The following CSMD1 variants were observed in gnomAD, a reference collection of about 807,000 sequenced individuals.
CSMD1 encodes CUB and Sushi multiple domains 1.
CSMD1 carries 213 observed loss-of-function variants against 417.5 expected under a neutral mutation model. The ratio of observed to expected loss-of-function variants is 0.51; its 90% confidence interval spans 0.46 to 0.57. The LOEUF (loss-of-function observed/expected upper bound fraction) is 0.57, where lower values mean the gene tolerates loss of function less well. CSMD1 is among the 20% of genes least tolerant of loss of function. The pLI, the probability that CSMD1 is intolerant of heterozygous loss-of-function variation, is 0.00. For missense variants in CSMD1, 6,923 were observed against 4,529.7 expected (o/e 1.53, Z -15.17); for synonymous variants, 2,862 against 1,736.8 (o/e 1.65, Z -16.11).
rs149459113 is a variant in CSMD1, at chr8:4,334,115, C to T, written c.415+85838G>A. 1.9e-3 allele frequency among the ~76,000 whole-genome samples: 286 copies of T among 152,058 alleles called. 2 individuals are homozygous for T. The highest frequency in any genetic ancestry group is 6.6e-3 in the African/African-American group (275 of 41,482). On this transcript the variant is annotated intron_variant, in intron 3 of 69. Transcript: ENST00000635120. The stretch of plus-strand genomic sequence containing the variant: ...ACAGACAGGGTTTTACTGTGTTAAC[C>T]AAGCTGGTCTCAAACTCCCGAACTC...
chr8:3,753,407 T>A (rs1797465579), intron 6 of CSMD1, among the ~76,000 whole-genome samples: 1 of 152,214 alleles, frequency 6.6e-6, no homozygotes, highest in Non-Finnish European at 1.5e-5. Context: ...TACCAAGCTC[T>A]GTCCTAATGA....
intron 3 of CSMD1, among the ~76,000 whole-genome samples, chr8:4,173,376 G>C (rs542659266): frequency 6.6e-5 from 10 of 152,212 alleles, no homozygotes; most frequent in African/African-American, 9.6e-5. Flanking sequence ...CAGAAGATGA[G>C]ACAGAGGCAT....
At chr8:3,281,692 G>C (rs575085845) in intron 26 of CSMD1, among the ~76,000 whole-genome samples, 1 of 152,150 alleles carries the variant, frequency 6.6e-6, no homozygotes, top group Non-Finnish European at 1.5e-5. Context: ...GGGATGAACA[G>C]GCAGAACACA....
intron 10 of CSMD1, among the ~76,000 whole-genome samples, chr8:3,550,623 C>T (rs1173246628): frequency 3.9e-5 from 6 of 152,202 alleles, no homozygotes; most frequent in Non-Finnish European, 8.8e-5. Flanking sequence ...GTCTCCACCC[C>T]TTTGCCTAGT....
rs73498624 is a variant in CSMD1 at position 4,543,779 on chromosome 8, A to T, written c.302+93563T>A. On this transcript the variant is annotated intron_variant, in intron 2 of 69. Transcript: ENST00000635120. ...AATGACTGAGAGTTCCAGTGGATTC[A>T]TATTCTCACCAGCATTTGATGTCAA... 7.2e-3 allele frequency among the ~76,000 whole-genome samples: 1,090 copies of T among 151,008 alleles called. 16 individuals are homozygous for T. The highest frequency in any genetic ancestry group is 0.025 in the African/African-American group (1,044 of 41,110).
At position 4,707,584 on chromosome 8, in the gene CSMD1, G is replaced by C. The variant is rs1253429274; in HGVS notation, c.86-70026C>G. 2.6e-5 allele frequency among the ~76,000 whole-genome samples: 4 copies of C among 151,928 alleles called. No homozygotes were observed. The South Asian group carries it at 8.3e-4, about 32-fold the overall frequency. On this transcript the variant is annotated intron_variant, in intron 1 of 69. Coordinates refer to ENST00000635120, the MANE Select transcript of CSMD1 (RefSeq NM_033225.6). ...AAATTCCCAGGTTTTTACTGCAAAC[G>C]AGCAACAAGAGAGGGGAAAGAGCCA... is the stretch of plus-strand genomic sequence containing the variant.
intron 1 of CSMD1, among the ~76,000 whole-genome samples, chr8:4,925,273 G>T (rs1324889434): frequency 2.1e-5 from 3 of 142,686 alleles, no homozygotes; most frequent in African/African-American, 5.2e-5. Context: ...CTGGGAAGGG[G>T]CTCAAGAGTT....
chr8:4,606,299 T>G (rs1585320792), intron 2 of CSMD1, among the ~76,000 whole-genome samples: 2 of 152,152 alleles, frequency 1.3e-5, no homozygotes, highest in African/African-American at 4.8e-5. Flanking sequence ...ACTTAGAGTC[T>G]GTTTATAAAT....
chr8:3,147,476 G>A (rs1818913286), intron 40 of CSMD1, among the ~76,000 whole-genome samples: 1 of 152,162 alleles, frequency 6.6e-6, no homozygotes, highest in South Asian at 2.1e-4. Flanking sequence ...CAGCATCCAA[G>A]GAACTGGAGC....
At chr8:4,084,848 G>C (rs953333080) in intron 3 of CSMD1, among the ~76,000 whole-genome samples, 2 of 147,446 alleles carry the variant, frequency 1.4e-5, no homozygotes, top group Non-Finnish European at 3.0e-5. Flanking sequence ...TCTTGAAGAA[G>C]AATGACAAAA....
chr8:4,569,123 G>A (rs1314566705), intron 2 of CSMD1, among the ~76,000 whole-genome samples: 1 of 152,134 alleles, frequency 6.6e-6, no homozygotes, highest in Admixed American at 6.6e-5. Context: ...TTGTTTGTTT[G>A]CTGTGCAGAA....
intron 1 of CSMD1, among the ~76,000 whole-genome samples, chr8:4,959,909 C>T (rs935020703): frequency 1.3e-5 from 2 of 152,158 alleles, no homozygotes; most frequent in African/African-American, 4.8e-5. Flanking sequence ...CAACAATCTT[C>T]CCTATTTTCT....
chr8:3,268,491 G>T (rs183844406), intron 26 of CSMD1, among the ~76,000 whole-genome samples: 3 of 151,554 alleles, frequency 2.0e-5, no homozygotes, highest in East Asian at 1.9e-4. Context: ...GGGTTTCACC[G>T]TGTTAGCCAG....
At chr8:4,813,852 A>T (rs547236756) in intron 1 of CSMD1, among the ~76,000 whole-genome samples, 16 of 152,344 alleles carry the variant, frequency 1.1e-4, no homozygotes, top group African/African-American at 3.8e-4. Context: ...GCATAGTAGC[A>T]TTCTCAGGTT....
intron 26 of CSMD1, among the ~76,000 whole-genome samples, chr8:3,231,505 G>T (rs1287734464): frequency 6.6e-6 from 1 of 152,126 alleles, no homozygotes; most frequent in Non-Finnish European, 1.5e-5. Flanking sequence ...GTGTGCGTGT[G>T]TGTGCATATA....
intron 3 of CSMD1, among the ~76,000 whole-genome samples, chr8:4,333,374 C>G (rs1389820485): frequency 6.6e-6 from 1 of 152,108 alleles, no homozygotes; most frequent in East Asian, 1.9e-4. Flanking sequence ...GCACAGGCTC[C>G]AGGGACGGCT....
At chr8:4,923,899 G>A (rs1329794250) in intron 1 of CSMD1, among the ~76,000 whole-genome samples, 1 of 152,134 alleles carries the variant, frequency 6.6e-6, no homozygotes, top group Non-Finnish European at 1.5e-5. Flanking sequence ...ATCTGTATAG[G>A]TTTCTTTGGT....
At chr8:3,727,246 A>C (rs1802549316) in intron 6 of CSMD1, among the ~76,000 whole-genome samples, 1 of 152,192 alleles carries the variant, frequency 6.6e-6, no homozygotes, top group African/African-American at 2.4e-5. Context: ...CACAAGAGGA[A>C]AACTAACCTC....
chr8:3,841,169 T>C (rs1353669020), intron 5 of CSMD1, among the ~76,000 whole-genome samples: 1 of 152,106 alleles, frequency 6.6e-6, no homozygotes, highest in African/African-American at 2.4e-5. Context: ...TGGTGGAAAT[T>C]GTGTTTTTAT....
Sources: allele counts gnomAD v4.1 joint callset (sites outside exome capture counted in the v4.1 genomes callset), GRCh38; gene constraint gnomAD v4.1.1; transcripts MANE v1.5; gene names NCBI Gene and HGNC (gene_info 2026-07-23, HGNC 2026-07-21).